The following NR2C1 variants were observed in gnomAD, a reference collection of about 807,000 sequenced individuals.
NR2C1 encodes TR2 nuclear hormone receptor.
A neutral mutation model predicts 74.8 loss-of-function variants in NR2C1; 33 were observed. The ratio of observed to expected loss-of-function variants is 0.44; its 90% CI spans 0.33 to 0.59. NR2C1 has a LOEUF of 0.59. Among genes scored for constraint, NR2C1 ranks in the 20% least tolerant of loss-of-function variants. The pLI, the probability that NR2C1 is intolerant of heterozygous loss-of-function variation, is 0.02. For synonymous variants in NR2C1, 225 were observed against 240.6 expected (o/e 0.94, Z 0.60); for missense variants, 568 against 715.6 (o/e 0.79, Z 2.35).
At chr12:95,071,605 G>A (rs1210526641) in intron 1 of NR2C1, among the ~76,000 whole-genome samples, 1 of 152,072 alleles carries the variant, frequency 6.6e-6, no homozygotes, top group African/African-American at 2.4e-5. Context: ...GCTGAGGCAG[G>A]AGGATAGCTT....
intron 11 of NR2C1, 141 bp from the exon 12 acceptor site, chr12:95,028,665 C>T: frequency 1.6e-6 from 1 of 628,594 alleles, no homozygotes; most frequent in Non-Finnish European, 2.7e-6. Flanking sequence ...ACTCCTGTCG[C>T]CCAGGTGGCA....
intron 12 of NR2C1, among the ~76,000 whole-genome samples, chr12:95,025,548 C>T (rs1190822493): frequency 6.6e-6 from 1 of 150,876 alleles, no homozygotes; most frequent in East Asian, 2.0e-4. Flanking sequence ...ATCCAAGCTA[C>T]TCAGGAGACT....
intron 4 of NR2C1, among the ~76,000 whole-genome samples, chr12:95,059,004 T>TA (rs1874333301): frequency 6.6e-6 from 1 of 152,036 alleles, no homozygotes; most frequent in African/African-American, 2.4e-5. Context: ...GTTTTCACAT[T>TA]AAAAAATGTT....
chr12:95,038,167 G>A (rs577290866), intron 10 of NR2C1, among the ~76,000 whole-genome samples: 1 of 152,242 alleles, frequency 6.6e-6, no homozygotes, highest in African/African-American at 2.4e-5. Flanking sequence ...ACAGGAAAAT[G>A]TGGCTACCAC....
intron 2 of NR2C1, 158 bp downstream of exon 2, chr12:95,067,173 T>G: frequency 1.5e-6 from 1 of 687,558 alleles, no homozygotes; most frequent in South Asian, 1.7e-5. Context: ...CATTCTACTA[T>G]GAATTGTCTG....
chr12:95,030,552 C>A, intron 11 of NR2C1: 1 of 1,612,282 alleles, frequency 6.2e-7, no homozygotes, highest in Non-Finnish European at 8.5e-7. Context: ...GGGTAGGAGT[C>A]CATAAGTAAG....
intron 2 of NR2C1, among the ~76,000 whole-genome samples, chr12:95,066,538 C>T (rs182945558): frequency 1.3e-5 from 2 of 151,840 alleles, no homozygotes; most frequent in African/African-American, 4.9e-5. Context: ...GAAAGTTGTT[C>T]GACACTACAT....
chr12:95,054,553 T>C (rs2136167079), intron 7 of NR2C1, among the ~76,000 whole-genome samples: 1 of 152,170 alleles, frequency 6.6e-6, no homozygotes, highest in East Asian at 1.9e-4. Context: ...ACTCTTCAAC[T>C]TCAGCCTCCT....
intron 8 of NR2C1, among the ~76,000 whole-genome samples, chr12:95,051,060 A>C (rs953392277): frequency 6.6e-6 from 1 of 152,216 alleles, no homozygotes. Flanking sequence ...GTCATTTAGA[A>C]TATAACCTTT....
chr12:95,047,233 GA>G (rs1235333937), intron 9 of NR2C1, among the ~76,000 whole-genome samples: 1 of 151,982 alleles, frequency 6.6e-6, no homozygotes, highest in African/African-American at 2.4e-5. Context: ...TTTAGAATAC[GA>G]AAGAACAATG....
Position 95,028,531 on chromosome 12 carries a change from T to C in NR2C1, c.1394-7A>G. 1 of 1,480,482 alleles carries C rather than the reference T, an allele frequency of 6.8e-7. No individual in the cohort carries two copies. Among genetic ancestry groups the C allele is most frequent in the Non-Finnish European group, 9.4e-7 (1 of 1,068,122 alleles). The allele number at this position is 1,480,482 out of a possible 1,614,324, so 91.7% of individuals were successfully genotyped here. ...CTTTCTGTTGACATTTTATCTTTAA[T>C]TAAAAATAAACAAATGCTTCTAGTG... On this transcript the variant is annotated splice_polypyrimidine_tract_variant and splice_region_variant and intron_variant, in intron 11 of 13. Transcript: ENST00000333003.
chr12:95,042,901 G>GA (rs1871756841), intron 9 of NR2C1, among the ~76,000 whole-genome samples: 1 of 146,024 alleles, frequency 6.8e-6, no homozygotes, highest in Non-Finnish European at 1.5e-5. Flanking sequence ...GTTCAAGACC[G>GA]GCCTGGGCAA....
At chr12:95,037,944 A>T (rs1040089694) in intron 10 of NR2C1, among the ~76,000 whole-genome samples, 8 of 151,784 alleles carry the variant, frequency 5.3e-5, no homozygotes, top group African/African-American at 1.9e-4. Context: ...CTACTTTTAG[A>T]ATAGCTTTTA....
At chr12:95,068,930 T>G (rs1592801819) in intron 1 of NR2C1, among the ~76,000 whole-genome samples, 1 of 151,790 alleles carries the variant, frequency 6.6e-6, no homozygotes, top group African/African-American at 2.4e-5. Context: ...GCCACTGCAC[T>G]CCAGCCTGGG....
chr12:95,033,669 G>A (rs1017889971), intron 10 of NR2C1, among the ~76,000 whole-genome samples: 3 of 152,106 alleles, frequency 2.0e-5, no homozygotes, highest in Non-Finnish European at 4.4e-5. Context: ...TTTCTAGAAG[G>A]AACATTATTC....
intron 7 of NR2C1, among the ~76,000 whole-genome samples, chr12:95,052,752 T>G (rs1259021570): frequency 6.6e-6 from 1 of 152,050 alleles, no homozygotes; most frequent in Non-Finnish European, 1.5e-5. Flanking sequence ...AACTATAAAC[T>G]TGTATGGAAT....
At chr12:95,051,304 A>G (rs1040918424) in intron 8 of NR2C1, among the ~76,000 whole-genome samples, 9 of 152,274 alleles carry the variant, frequency 5.9e-5, no homozygotes, top group Middle Eastern at 3.4e-3. Flanking sequence ...CCCTGTCCCC[A>G]AGGGAAAAAA....
chr12:95,033,647 C>T (rs1426623689), intron 10 of NR2C1, among the ~76,000 whole-genome samples: 2 of 152,172 alleles, frequency 1.3e-5, no homozygotes, highest in East Asian at 3.8e-4. Context: ...TAAAATATAG[C>T]TCAGAGTTCA....
At chr12:95,057,477 C>A (rs1874088036) in intron 7 of NR2C1, 76 bp downstream of exon 7, 3 of 1,057,576 alleles carry the variant, frequency 2.8e-6, no homozygotes, top group Non-Finnish European at 4.1e-6. Context: ...AAGCAATTTA[C>A]CAAAGCAAAG....
Sources: gnomAD v4.1 joint callset for allele counts (sites outside exome capture counted in the v4.1 genomes callset) on GRCh38, gnomAD v4.1.1 for gene constraint, MANE v1.5 for transcripts, NCBI Gene and HGNC (gene_info 2026-07-23, HGNC 2026-07-21) for gene names.